The following COL2A1 variants were observed in gnomAD, a reference collection of about 807,000 sequenced individuals.
The protein encoded by COL2A1 is collagen type II alpha 1 chain, also known as collagen alpha-1(II) chain.
A neutral mutation model predicts 204.5 loss-of-function variants in COL2A1; 28 were observed. The observed-to-expected ratio is 0.14, with a 90% CI of 0.10 to 0.19. The LOEUF (loss-of-function observed/expected upper bound fraction) is 0.19, where lower values mean the gene tolerates loss of function less well. COL2A1 is among the 10% of genes least tolerant of loss of function. The pLI, the probability that COL2A1 is intolerant of heterozygous loss-of-function variation, is 1.00. For synonymous variants in COL2A1, 708 were observed against 718.7 expected, an observed-to-expected ratio of 0.99 and a Z score of 0.24; for missense variants, 1,388 against 2,027.5, an observed-to-expected ratio of 0.68 and a Z score of 6.06.
In COL2A1 at chr12:47,980,691, G is replaced by C; in HGVS notation, c.2518-30C>G. ...AATGGGAAGGAGGAAGCAGGTGAAT[G>C]AGGGGCAGGCTAAAACCCTGGAGCT... On this transcript the variant is annotated intron_variant, in intron 38 of 53. Transcript: ENST00000380518. The surrounding 1 kb of genome is among the most constrained non-coding windows in gnomAD (Gnocchi z 4.5). 6.3e-7 allele frequency: 1 copy of C among 1,590,458 alleles called. No homozygotes were observed. The highest frequency in any genetic ancestry group is 1.1e-5 in the South Asian group (1 of 88,032).
chr12:48,003,882 G>C (rs1025581108), intron 1 of COL2A1, among the ~76,000 whole-genome samples: 5 of 152,222 alleles, frequency 3.3e-5, no homozygotes, highest in African/African-American at 1.2e-4. Context: ...GCTTCGAAGA[G>C]GCGAGCTGTG....
rs1368352719 is a variant in COL2A1, at chr12:47,976,547, A to C, written c.3456T>G (p.Gly1152=). Reference sequence around the variant, plus strand: ...CAGAAGGACCAGCAGGACCAGAAGCACCTTGGTCTCCAGAAGGACCCTGTG... The same window carrying C: ...CAGAAGGACCAGCAGGACCAGAAGCCCCTTGGTCTCCAGAAGGACCCTGTG... ...PGPPGPSGDQ[G]ASGPAGPSGP... The change falls in exon 49 of 54, where the codon GGT becomes GGG. Residue 1152 remains glycine, a synonymous_variant. Coordinates refer to ENST00000380518, the MANE Select transcript of COL2A1 (RefSeq NM_001844.5). The surrounding 1 kb of genome is among the most constrained non-coding windows in gnomAD (Gnocchi z 4.3). 6.2e-7 allele frequency: 1 copy of C among 1,614,208 alleles called. No homozygotes were observed. The highest frequency in any genetic ancestry group is 8.5e-7 in the Non-Finnish European group (1 of 1,180,024).
chr12:48,000,758 A>T (rs1403622047), intron 1 of COL2A1, among the ~76,000 whole-genome samples: 4 of 152,214 alleles, frequency 2.6e-5, no homozygotes, highest in African/African-American at 7.2e-5. Flanking sequence ...TAGAATTAGG[A>T]TCTTGTCTCA....
intron 8 of COL2A1, 35 bp from the exon 9 acceptor site, chr12:47,995,954 C>T: frequency 6.4e-7 from 1 of 1,574,354 alleles, no homozygotes; most frequent in Non-Finnish European, 8.7e-7. Flanking sequence ...GTTTACTACA[C>T]ATGCTTCCTC....
rs1178574194 is a variant in COL2A1, at chr12:47,985,791, A to C, written c.1617T>G (p.Ala539=). Residue 539 remains alanine (A), a synonymous_variant, in exon 25 of 54, where the codon GCT becomes GCG. Coordinates refer to ENST00000380518, the MANE Select transcript of COL2A1 (RefSeq NM_001844.5). ...APGERGPSGL[A]GPKGANGDPG... is the part of the protein sequence containing the mutation. ...GGTCACCGTTGGCTCCCTTGGGGCC[A>C]GCAAGACCACTGGGCCCTCGCTCTC... is the stretch of plus-strand genomic sequence containing the variant. 1.2e-6 allele frequency: 2 copies of C among 1,613,328 alleles called. No individual in the cohort carries two copies. The highest frequency in any genetic ancestry group is 1.7e-6 in the Non-Finnish European group (2 of 1,179,732).
chr12:47,995,171 C>T, intron 11 of COL2A1, 84 bp downstream of exon 11: 1 of 1,237,224 alleles, frequency 8.1e-7, no homozygotes, highest in Non-Finnish European at 1.2e-6. Context: ...CCCTGGGTGC[C>T]TCCCTGTCAC....
Position 47,976,100 on chromosome 12 carries a change from G to C in COL2A1, c.3490-30C>G. ...AAGAGAGAGAGGTCGTGAGGAAAGA[G>C]TGGTCACCACAGGGAAGGCTGGGGA... On this transcript the variant is annotated intron_variant, in intron 49 of 53. Transcript: ENST00000380518. The surrounding 1 kb of genome is among the most constrained non-coding windows in gnomAD (Gnocchi z 4.3). 2.0e-6 allele frequency: 3 copies of C among 1,537,068 alleles called. No homozygotes were observed. The highest frequency in any genetic ancestry group is 2.7e-6 in the Non-Finnish European group (3 of 1,109,788).
rs973798333 is a variant in COL2A1, at chr12:47,975,279, T to C, written c.3886+38A>G. ...CTGCTAGGCCTAAGGGATGACTCCC[T>C]GCTTCCCGGGGCAGGGGATCCTGTT... On this transcript the variant is annotated intron_variant, in intron 51 of 53. Transcript: ENST00000380518. The C allele has an allele frequency of 3.7e-6, 6 of 1,611,702 alleles. No individual in the cohort carries two copies. In the African/African-American group the frequency reaches 8.0e-5, roughly 22 times the overall value.
At chr12:47,981,458 G>T in intron 36 of COL2A1, 62 bp from the exon 37 acceptor site, 2 of 1,471,342 alleles carry the variant, frequency 1.4e-6, no homozygotes, top group Non-Finnish European at 1.9e-6. Context: ...GTGGGAGAGG[G>T]CAAAGTGCAT....
Position 47,976,970 on chromosome 12 carries a change from C to G in COL2A1, c.3328-51G>C, listed in dbSNP as rs753436849. On this transcript the variant is annotated intron_variant, in intron 47 of 53. Transcript: ENST00000380518. The surrounding 1 kb of genome is among the most constrained non-coding windows in gnomAD (Gnocchi z 4.3). ...AGTCAGGTCAGGGCCAGGACAGGAGCCCCCTCCTGTCCCACCCAAGCTGAG... is the reference window on the plus strand; with the variant it reads ...AGTCAGGTCAGGGCCAGGACAGGAGGCCCCTCCTGTCCCACCCAAGCTGAG... 1.3e-6 allele frequency: 2 copies of G among 1,516,996 alleles called. No homozygotes were observed. The highest frequency in any genetic ancestry group is 2.3e-5 in the East Asian group (1 of 42,600). The allele number at this position is 1,516,996 out of a possible 1,614,324, so 94.0% of individuals were successfully genotyped here.
intron 16 of COL2A1, among the ~76,000 whole-genome samples, chr12:47,991,328 A>AG (rs1169094772): frequency 6.6e-6 from 1 of 152,186 alleles, no homozygotes; most frequent in Admixed American, 6.5e-5. Flanking sequence ...TACAGGCCCA[A>AG]GGGAGGGCAC....
chr12:47,993,063 C>T, intron 15 of COL2A1, 132 bp from the exon 16 acceptor site: 1 of 836,370 alleles, frequency 1.2e-6, no homozygotes. Context: ...ACAAGGACCT[C>T]CTGATGGTGC....
chr12:47,983,186 C>T (rs11168338), intron 31 of COL2A1, 49 bp from the exon 32 acceptor site: 2 of 1,593,984 alleles, frequency 1.3e-6, no homozygotes, highest in Non-Finnish European at 1.7e-6. Context: ...ATATCACAGA[C>T]CCCTGAACAA....
In COL2A1 at chr12:47,987,585, C is replaced by G. The variant is rs376821382; in HGVS notation, c.1221+26G>C. ...CCAAAGCCACAGACCCCAGACCCCC[C>G]CAGGCCAAAGAGAAGCTGCACTTAC... On this transcript the variant is annotated intron_variant, in intron 19 of 53. Transcript: ENST00000380518. This position sits in a 1 kb window ranked among gnomAD's most constrained non-coding sequence, Gnocchi z 4.1. 2 of 1,591,394 alleles carry G rather than the reference C, an allele frequency of 1.3e-6. No individual in the cohort carries two copies. The highest frequency in any genetic ancestry group is 2.7e-5 in the African/African-American group (2 of 74,264).
At chr12:47,982,685 C>T in intron 33 of COL2A1, 76 bp from the exon 34 acceptor site, 1 of 1,312,054 alleles carries the variant, frequency 7.6e-7, no homozygotes, top group South Asian at 1.2e-5. Context: ...GCCTGGGTAA[C>T]CAGGGCCCCA....
chr12:47,983,051 AGGCCC>A (rs757988309), intron 32 of COL2A1, 37 bp downstream of exon 32: 2 of 1,609,278 alleles, frequency 1.2e-6, no homozygotes, highest in East Asian at 4.5e-5. Context: ...GACCCAGGGC[AGGCCC>A]AAGGAGGCAG....
chr12:47,973,183 A>G lies in COL2A1; in HGVS notation c.*224T>C, dbSNP rs1291960617. ...CTCTGCCTTGACCCGAAGGTCTTACAGGAAGACAATAAATAAATAGAACAC... is the reference window on the plus strand; with the variant it reads ...CTCTGCCTTGACCCGAAGGTCTTACGGGAAGACAATAAATAAATAGAACAC... On this transcript the variant is annotated 3_prime_UTR_variant, in exon 54 of 54. Coordinates refer to ENST00000380518, the MANE Select transcript of COL2A1 (RefSeq NM_001844.5). 3.1e-6 allele frequency: 2 copies of G among 648,580 alleles called. No homozygotes were observed. Among genetic ancestry groups the G allele is most frequent in the Non-Finnish European group, 5.5e-6 (2 of 363,944 alleles). 40.2% of individuals were successfully genotyped at this position (648,580 alleles called of 1,614,324 possible). A position where few individuals can be genotyped will look rare whatever the true frequency, so the allele number is the denominator to read the frequency against.
Position 47,973,210 on chromosome 12 carries a change from G to A in COL2A1, c.*197C>T, listed in dbSNP as rs547674883. On this transcript the variant is annotated 3_prime_UTR_variant, in exon 54 of 54. Coordinates refer to ENST00000380518, the MANE Select transcript of COL2A1 (RefSeq NM_001844.5). ...GAAGACAATAAATAAATAGAACACCGAGATTTTATTTTGCAGTCTGCCCAG... is the reference window on the plus strand; with the variant it reads ...GAAGACAATAAATAAATAGAACACCAAGATTTTATTTTGCAGTCTGCCCAG... 33 of 695,648 alleles carry A rather than the reference G, an allele frequency of 4.7e-5. No individual in the cohort carries two copies. Among genetic ancestry groups the A allele is most frequent in the Non-Finnish European group, 6.9e-5 (27 of 391,418 alleles). The allele number at this position is 695,648 out of a possible 1,614,324, so 43.1% of individuals were successfully genotyped here.
chr12:47,983,838 C>A lies in COL2A1; in HGVS notation c.1942-102G>T. On this transcript the variant is annotated intron_variant, in intron 29 of 53. Transcript: ENST00000380518. The stretch of plus-strand genomic sequence containing the variant: ...AGGTCAGCAGGGTGGGCAGCACAGG[C>A]GTCTTCCTGCACCACTCAGACAGTG... 34 of 1,231,198 alleles carry A rather than the reference C, an allele frequency of 2.8e-5. No homozygotes were observed. In the South Asian group the frequency reaches 4.3e-4, roughly 15 times the overall value. 76.3% of individuals were successfully genotyped at this position (1,231,198 alleles called of 1,614,324 possible). A position where few individuals can be genotyped will look rare whatever the true frequency, so the allele number is the denominator to read the frequency against.
Sources: allele counts gnomAD v4.1 joint callset (sites outside exome capture counted in the v4.1 genomes callset), GRCh38; gene constraint gnomAD v4.1.1; non-coding constraint Gnocchi (gnomAD v3.1); transcripts MANE v1.5; gene names NCBI Gene and HGNC (gene_info 2026-07-23, HGNC 2026-07-21).